Variants in LTV1 observed in about 807,000 individuals in gnomAD.
LTV1 encodes the protein LTV1 ribosome biogenesis factor.
In LTV1, 39 loss-of-function variants were observed where a neutral mutation model predicts 59.9. The ratio of observed to expected loss-of-function variants is 0.65; its 90% confidence interval spans 0.50 to 0.85. LTV1 has a LOEUF of 0.85. Ranked by LOEUF, LTV1 falls within the 40% of genes least tolerant of loss-of-function variation. The pLI, the probability that LTV1 is intolerant of heterozygous loss-of-function variation, is 0.00. For synonymous variants in LTV1, 171 were observed against 189.5 expected (o/e 0.90, Z 0.80); for missense variants, 493 against 549.1 (o/e 0.90, Z 1.02).
rs1252877251 is a variant in LTV1 at position 143,855,375 on chromosome 6, T to G, written c.398-1928T>G. 6.6e-6 allele frequency among the ~76,000 whole-genome samples: 1 copy of G among 152,234 alleles called. No homozygotes were observed. Among genetic ancestry groups the G allele is most frequent in the African/African-American group, 2.4e-5 (1 of 41,464 alleles). ...GATAGGTCTCCTGAATACAGCACAC[T>G]GATGGGTCTTGACTCTTTATCCAAT... On this transcript the variant is annotated intron_variant, in intron 4 of 10. Coordinates refer to ENST00000367576, the MANE Select transcript of LTV1 (RefSeq NM_032860.5). This position sits in a 1 kb window ranked among gnomAD's most constrained non-coding sequence, Gnocchi z 4.6.
At chr6:143,850,573 C>T (rs1776965666) in intron 4 of LTV1, among the ~76,000 whole-genome samples, 1 of 152,030 alleles carries the variant, frequency 6.6e-6, no homozygotes, top group South Asian at 2.1e-4. Flanking sequence ...GAATTTCTCC[C>T]CAGAGCATAC....
At position 143,846,157 on chromosome 6, in the gene LTV1, T is replaced by G. The variant is rs1158031184; in HGVS notation, c.242T>G (p.Leu81Arg). 1 of 1,614,214 alleles carries G rather than the reference T, an allele frequency of 6.2e-7. No homozygotes were observed. Among genetic ancestry groups the G allele is most frequent in the South Asian group, 1.1e-5 (1 of 91,082 alleles). The part of the protein sequence containing the change: ...HLKEPSGPSE[L>R]IPSSTFSAHN... The stretch of plus-strand genomic sequence containing the variant: ...AAGGAACCATCTGGGCCTTCAGAGC[T>G]TATTCCCTCAAGTACCTTCAGTGCA... The change falls in exon 3 of 11, where the codon CTT (leucine) becomes CGT (arginine). Residue 81 changes from leucine (L) to arginine (R), a missense_variant. Coordinates refer to ENST00000367576, the MANE Select transcript of LTV1 (RefSeq NM_032860.5).
chr6:143,853,502 T>C (rs928078631), intron 4 of LTV1, among the ~76,000 whole-genome samples: 1 of 152,216 alleles, frequency 6.6e-6, no homozygotes, highest in Admixed American at 6.5e-5. Context: ...CTTCCAATAC[T>C]GTGTTGAATA....
Position 143,844,567 on chromosome 6 carries a change from T to A in LTV1, c.85T>A (p.Leu29Ile). ...HLVHRSQRDP[L>I]AADESAPQRV... ...GGTCCACCGGAGCCAACGAGATCCT[T>A]TAGCAGCAGATGAGAGTGCACCCCA... Residue 29 changes from leucine to isoleucine, a missense_variant, in exon 2 of 11, where the codon TTA becomes ATA. By Grantham distance (5) the Leu-to-Ile change is conservative. Coordinates refer to ENST00000367576, the MANE Select transcript of LTV1 (RefSeq NM_032860.5). 6.2e-7 allele frequency: 1 copy of A among 1,614,206 alleles called. No individual in the cohort carries two copies. The highest frequency in any genetic ancestry group is 1.6e-4 in the Middle Eastern group (1 of 6,062).
chr6:143,857,109 C>T lies in LTV1; in HGVS notation c.398-194C>T, dbSNP rs1331722911. Among the ~76,000 whole-genome samples the T allele has an allele frequency of 1.3e-5, 2 of 152,164 alleles. No individual in the cohort carries two copies. Among genetic ancestry groups the T allele is most frequent in the African/African-American group, 4.8e-5 (2 of 41,430 alleles). ...TATAAGGTCCTGACTGGGGCTGAGG[C>T]AGCATTTTGTTTCCTTTTTTTGTCT... On this transcript the variant is annotated intron_variant, in intron 4 of 10. Transcript: ENST00000367576. This position sits in a 1 kb window ranked among gnomAD's most constrained non-coding sequence, Gnocchi z 5.2.
At position 143,862,234 on chromosome 6, in the gene LTV1, T is replaced by A. The variant is rs1037402719; in HGVS notation, c.1054T>A (p.Ser352Thr). ...EEAKEKWDCE[S>T]ICSTYSNLYN... is the part of the protein sequence containing the mutation. ...AGCCAAAGAGAAGTGGGATTGTGAA[T>A]CTATTTGTAGTAAGTATATTCACTT... The change falls in exon 8 of 11, where the codon TCT becomes ACT. Residue 352 changes from serine (S) to threonine (T), a missense_variant. Transcript: ENST00000367576. The surrounding 1 kb of genome is among the most constrained non-coding windows in gnomAD (Gnocchi z 4.2). 3.1e-6 allele frequency: 5 copies of A among 1,612,694 alleles called. No homozygotes were observed.
At chr6:143,859,018 T>TC (rs938197271) in intron 6 of LTV1, among the ~76,000 whole-genome samples, 1 of 152,108 alleles carries the variant, frequency 6.6e-6, no homozygotes, top group African/African-American at 2.4e-5. Flanking sequence ...GTTCTTATTT[T>TC]CCCCCTTGAA....
intron 2 of LTV1, among the ~76,000 whole-genome samples, chr6:143,845,566 C>G (rs182310846): frequency 6.6e-6 from 1 of 151,998 alleles, no homozygotes; most frequent in African/African-American, 2.4e-5. Context: ...TTTGTAGAAA[C>G]GAGGTCTCAC....
intron 3 of LTV1, among the ~76,000 whole-genome samples, chr6:143,849,925 C>T (rs1225679310): frequency 6.6e-6 from 1 of 152,136 alleles, no homozygotes; most frequent in African/African-American, 2.4e-5. Flanking sequence ...TGGCATTCTC[C>T]CCTGTGAGTC....
Position 143,843,374 on chromosome 6 carries a change from G to C in LTV1, c.-104G>C. On this transcript the variant is annotated 5_prime_UTR_variant, in exon 1 of 11. Coordinates refer to ENST00000367576, the MANE Select transcript of LTV1 (RefSeq NM_032860.5). The stretch of plus-strand genomic sequence containing the variant: ...GCCGGGTCCTGGGGCTGCACGTGTG[G>C]TGAGGCCTACAGAAGCGGCCTTCAG... The C allele has an allele frequency of 7.2e-7, 1 of 1,397,846 alleles. No homozygotes were observed. Among genetic ancestry groups the C allele is most frequent in the Non-Finnish European group, 1.0e-6 (1 of 990,692 alleles). 86.6% of individuals were successfully genotyped at this position (1,397,846 alleles called of 1,614,324 possible). A position where few individuals can be genotyped will look rare whatever the true frequency, so the allele number is the denominator to read the frequency against.
In LTV1 at chr6:143,857,875, AACTCACAG is replaced by A. The variant is rs761280633; in HGVS notation, c.665_672del (p.Thr222SerfsTer10). The stretch of plus-strand genomic sequence containing the variant: ...AAGACTGTATGTCTGTGCCCGGAAA[AACTCACAG>A]AGCTATAGCAGATCACTTGTTCTGG... On this transcript the variant is annotated frameshift_variant, in exon 6 of 11. Transcript: ENST00000367576. LOFTEE classifies it high-confidence loss of function. The surrounding 1 kb of genome is among the most constrained non-coding windows in gnomAD (Gnocchi z 5.2). 3.7e-6 allele frequency: 6 copies of A among 1,613,950 alleles called. No homozygotes were observed. The East Asian group carries it at 1.1e-4, about 30-fold the overall frequency.
chr6:143,845,509 G>A (rs866128820), intron 2 of LTV1, among the ~76,000 whole-genome samples: 14 of 152,142 alleles, frequency 9.2e-5, no homozygotes, highest in Middle Eastern at 3.4e-3. Context: ...CAGAGTAGCC[G>A]GTACTACAGG....
In LTV1 at chr6:143,861,760, A is replaced by G. The variant is rs2128492263; in HGVS notation, c.924-344A>G. On this transcript the variant is annotated intron_variant, in intron 7 of 10. Transcript: ENST00000367576. ...CTATAATATATAGATCCCATAGCAG[A>G]AAAAGAAGCTATATAGTTGAGTGAA... Among the ~76,000 whole-genome samples, 2 of 148,754 alleles carry G rather than the reference A, an allele frequency of 1.3e-5. 1 individual carries two copies. The highest frequency in any genetic ancestry group is 4.4e-4 in the South Asian group (2 of 4,562).
chr6:143,848,625 C>T (rs1233107868), intron 3 of LTV1, among the ~76,000 whole-genome samples: 4 of 152,118 alleles, frequency 2.6e-5, no homozygotes, highest in Non-Finnish European at 4.4e-5. Context: ...TGGCGGTTGT[C>T]CTCACGTTAT....
intron 3 of LTV1, among the ~76,000 whole-genome samples, chr6:143,847,580 T>C (rs1377447953): frequency 6.6e-6 from 1 of 152,208 alleles, no homozygotes; most frequent in Non-Finnish European, 1.5e-5. Flanking sequence ...AGGCTGGTCT[T>C]GAACTCCCGA....
chr6:143,860,860 G>A (rs572223825), intron 7 of LTV1, among the ~76,000 whole-genome samples: 1 of 152,146 alleles, frequency 6.6e-6, no homozygotes, highest in Admixed American at 6.5e-5. Flanking sequence ...ATCTTTGACT[G>A]GAGAAGAGTC....
At chr6:143,853,672 G>T (rs1422142608) in intron 4 of LTV1, among the ~76,000 whole-genome samples, 3 of 152,118 alleles carry the variant, frequency 2.0e-5, no homozygotes, top group Non-Finnish European at 2.9e-5. Flanking sequence ...AGAGTTTTTA[G>T]CATGAAGGGG....
chr6:143,850,674 G>T (rs2128491273), intron 4 of LTV1, among the ~76,000 whole-genome samples: 1 of 152,244 alleles, frequency 6.6e-6, no homozygotes, highest in East Asian at 1.9e-4. Context: ...CTGTATTTCA[G>T]AACAAACACA....
In LTV1 at chr6:143,850,026, T is replaced by C. The variant is rs550984414; in HGVS notation, c.310-105T>C. 1.9e-5 allele frequency: 15 copies of C among 802,570 alleles called. No individual in the cohort carries two copies. The South Asian group carries it at 2.4e-4, about 13-fold the overall frequency. The allele number at this position is 802,570 out of a possible 1,614,324, so 49.7% of individuals were successfully genotyped here. A position where few individuals can be genotyped will look rare whatever the true frequency, so the allele number is the denominator to read the frequency against. The stretch of plus-strand genomic sequence containing the variant: ...AGGACCCTATTTCAAATATGGTCAG[T>C]CTAAGGTTCTGGATGGACATTGATT... On this transcript the variant is annotated intron_variant, in intron 3 of 10. Transcript: ENST00000367576.
Sources: allele counts gnomAD v4.1 joint callset (sites outside exome capture counted in the v4.1 genomes callset), GRCh38; gene constraint gnomAD v4.1.1; non-coding constraint Gnocchi (gnomAD v3.1); transcripts MANE v1.5; gene names NCBI Gene and HGNC (gene_info 2026-07-23, HGNC 2026-07-21).